NFIC: variants seen among roughly 807,000 people sequenced by gnomAD.
The protein encoded by NFIC is nuclear factor I C.
In NFIC, 12 loss-of-function variants were observed where a neutral mutation model predicts 54.4. The ratio of observed to expected loss-of-function variants is 0.22; its 90% CI spans 0.14 to 0.36. NFIC has a LOEUF of 0.36. Ranked by LOEUF, NFIC falls within the 10% of genes least tolerant of loss-of-function variation. The probability of loss-of-function intolerance (pLI) is 1.00; values close to 1 mark genes in which losing one functional copy is unlikely to be tolerated. For missense variants in NFIC, 575 were observed against 718.2 expected (o/e 0.80, Z 2.28); for synonymous variants, 322 against 319.2 (o/e 1.01, Z -0.09).
intron 1 of NFIC, among the ~76,000 whole-genome samples, chr19:3,379,870 C>T (rs960929096): frequency 4.6e-5 from 7 of 151,100 alleles, no homozygotes; most frequent in East Asian, 1.9e-4. Flanking sequence ...TTTGTAGAAA[C>T]GGGGCCTCGC....
rs2081101097 is a variant in NFIC, at chr19:3,375,978, G to A, written c.31-5734G>A. 6.6e-6 allele frequency among the ~76,000 whole-genome samples: 1 copy of A among 152,090 alleles called. No individual in the cohort carries two copies. Among genetic ancestry groups the A allele is most frequent in the South Asian group, 2.1e-4 (1 of 4,832 alleles). ...AGAAAGGGACCCGTGGCCTTCCAGGGGGTCAGGGCCCTGATTCTTATCCTC... is the reference window on the plus strand; with the variant it reads ...AGAAAGGGACCCGTGGCCTTCCAGGAGGTCAGGGCCCTGATTCTTATCCTC... On this transcript the variant is annotated intron_variant, in intron 1 of 10. Transcript: ENST00000443272. The surrounding 1 kb of genome is among the most constrained non-coding windows in gnomAD (Gnocchi z 4.6).
intron 2 of NFIC, among the ~76,000 whole-genome samples, chr19:3,403,357 G>C (rs2081587335): frequency 6.6e-6 from 1 of 152,132 alleles, no homozygotes. Context: ...TGAGATCTGC[G>C]GCAAGCCCCT....
Position 3,458,311 on chromosome 19 carries a change from T to TCCCTGCC in NFIC, c.1509+1679_1509+1685dup, listed in dbSNP as rs1324228171. On this transcript the variant is annotated intron_variant, in intron 10 of 10. Coordinates refer to ENST00000443272, the MANE Select transcript of NFIC (RefSeq NM_001245002.2). The surrounding 1 kb of genome is among the most constrained non-coding windows in gnomAD (Gnocchi z 4.1). ...CTCTGCCACCCCCACCCCACATCGC[T>TCCCTGCC]CCCTGCCCCTGCGGGAGGCTGGGAA... 1.3e-5 allele frequency among the ~76,000 whole-genome samples: 2 copies of TCCCTGCC among 151,476 alleles called. No homozygotes were observed. The highest frequency in any genetic ancestry group is 4.9e-5 in the African/African-American group (2 of 41,136).
In NFIC at chr19:3,464,039, C is replaced by T. The variant is rs867231856; in HGVS notation, c.*1270C>T. On this transcript the variant is annotated 3_prime_UTR_variant, in exon 11 of 11. Coordinates refer to ENST00000443272, the MANE Select transcript of NFIC (RefSeq NM_001245002.2). ...GTCACTTCGCAAGCGTCCTGCCCTG[C>T]CGGGGCGCGGGGGTGGGCTCTGGGG... The T allele has an allele frequency of 1.6e-5, 16 of 985,180 alleles. 1 individual carries two copies. Among genetic ancestry groups the T allele is most frequent in the Middle Eastern group, 5.2e-4 (1 of 1,940 alleles). The allele number at this position is 985,180 out of a possible 1,614,324, so 61.0% of individuals were successfully genotyped here.
chr19:3,456,934 C>T, intron 10 of NFIC: 1 of 461,804 alleles, frequency 2.2e-6, no homozygotes, highest in Non-Finnish European at 4.1e-6. Flanking sequence ...TTACCACCTG[C>T]TTCCCATGGT....
intron 4 of NFIC, 45 bp from the exon 5 acceptor site, chr19:3,434,232 C>G (rs1385949589): frequency 1.3e-6 from 2 of 1,583,484 alleles, no homozygotes; most frequent in South Asian, 2.3e-5. Flanking sequence ...AACCGCAGCA[C>G]TGGGCACTGC....
At position 3,453,700 on chromosome 19, in the gene NFIC, C is replaced by G; in HGVS notation, c.1270-63C>G. ...CGTGCACAGAGCCGGGGGCGGCCGG[C>G]GCCAGCAGCCCGAGGTAGAGGGGGA... On this transcript the variant is annotated intron_variant, in intron 8 of 10. Transcript: ENST00000443272. This position sits in a 1 kb window ranked among gnomAD's most constrained non-coding sequence, Gnocchi z 6.7. 6.5e-7 allele frequency: 1 copy of G among 1,526,834 alleles called. No homozygotes were observed. Among genetic ancestry groups the G allele is most frequent in the South Asian group, 1.2e-5 (1 of 80,168 alleles). The allele number at this position is 1,526,834 out of a possible 1,614,324, so 94.6% of individuals were successfully genotyped here. A position where few individuals can be genotyped will look rare whatever the true frequency, so the allele number is the denominator to read the frequency against.
rs1006013742 is a variant in NFIC, at chr19:3,370,530, G to A, written c.30+3864G>A. Among the ~76,000 whole-genome samples the A allele has an allele frequency of 1.1e-4, 13 of 120,718 alleles. No homozygotes were observed. The highest frequency in any genetic ancestry group is 1.3e-4 in the African/African-American group (4 of 31,114). The allele number at this position is 120,718 out of a possible 152,430, so 79.2% of individuals were successfully genotyped here. On this transcript the variant is annotated intron_variant, in intron 1 of 10. Transcript: ENST00000443272. The surrounding 1 kb of genome is among the most constrained non-coding windows in gnomAD (Gnocchi z 5.2). ...CTCCCTCCCTTTCTCCCCCCATCTC[G>A]CTCTCTCCTCCTCTCTCCCTCTCTC...
At chr19:3,437,325 G>A (rs557454893) in intron 6 of NFIC, among the ~76,000 whole-genome samples, 14 of 151,262 alleles carry the variant, frequency 9.3e-5, no homozygotes, top group East Asian at 2.0e-4. Context: ...CTGAGATGGC[G>A]CCACTGCACT....
intron 6 of NFIC, among the ~76,000 whole-genome samples, chr19:3,439,984 G>C (rs543783336): frequency 6.6e-6 from 1 of 152,090 alleles, no homozygotes; most frequent in Non-Finnish European, 1.5e-5. Context: ...CACCGCGCCC[G>C]GCCAAACACT....
At chr19:3,454,837 C>T (rs779634125) in intron 9 of NFIC, among the ~76,000 whole-genome samples, 2 of 152,080 alleles carry the variant, frequency 1.3e-5, no homozygotes, top group South Asian at 2.1e-4. Flanking sequence ...CTCCCTGCCC[C>T]GGCGTTCCTG....
chr19:3,432,705 C>G (rs1054510621), intron 3 of NFIC, among the ~76,000 whole-genome samples: 82 of 143,082 alleles, frequency 5.7e-4, no homozygotes, highest in African/African-American at 2.2e-3. Context: ...GAGTCTTGCT[C>G]TGTTGCCCAG....
rs1489287656 is a variant in NFIC, at chr19:3,458,584, C to T, written c.1509+1949C>T. Among the ~76,000 whole-genome samples the T allele has an allele frequency of 6.6e-6, 1 of 151,882 alleles. No individual in the cohort carries two copies. Among genetic ancestry groups the T allele is most frequent in the Non-Finnish European group, 1.5e-5 (1 of 67,984 alleles). The stretch of plus-strand genomic sequence containing the variant: ...CATCCCTATCTTGACTGGCTGGACT[C>T]CTCTGGGGACCCAGAAAGGGTGGGA... On this transcript the variant is annotated intron_variant, in intron 10 of 10. Coordinates refer to ENST00000443272, the MANE Select transcript of NFIC (RefSeq NM_001245002.2). This position sits in a 1 kb window ranked among gnomAD's most constrained non-coding sequence, Gnocchi z 4.1.
chr19:3,443,495 G>T (rs1330260526), intron 6 of NFIC, among the ~76,000 whole-genome samples: 15 of 152,044 alleles, frequency 9.9e-5, no homozygotes. Flanking sequence ...GTGGCAGACG[G>T]TGTGTAAACC....
At chr19:3,417,573 G>A (rs1472188147) in intron 2 of NFIC, among the ~76,000 whole-genome samples, 1 of 151,366 alleles carries the variant, frequency 6.6e-6, no homozygotes, top group Non-Finnish European at 1.5e-5. Flanking sequence ...AAGGCTGGGT[G>A]TGTACTAAGT....
chr19:3,440,881 G>A (rs925393591), intron 6 of NFIC, among the ~76,000 whole-genome samples: 2 of 152,134 alleles, frequency 1.3e-5, no homozygotes, highest in East Asian at 3.9e-4. Flanking sequence ...GCCCAGGATG[G>A]AGTGCAGTGG....
At chr19:3,435,277 G>GC in intron 6 of NFIC, 70 bp downstream of exon 6, 9 of 1,447,282 alleles carry the variant, frequency 6.2e-6, no homozygotes, top group Non-Finnish European at 8.3e-6. Context: ...ACGTCTTCCG[G>GC]CAGCCACTGC....
At position 3,441,559 on chromosome 19, in the gene NFIC, GC is replaced by G. The variant is rs2082294020; in HGVS notation, c.958+6354del. Among the ~76,000 whole-genome samples, 4 of 152,256 alleles carry G rather than the reference GC, an allele frequency of 2.6e-5. No individual in the cohort carries two copies. In the South Asian group the frequency reaches 8.3e-4, roughly 32 times the overall value. The stretch of plus-strand genomic sequence containing the variant: ...CAGCCTCTGAAGTCCCAAGGGGGAC[GC>G]CTCAGAACAGGCCTGGCCCCTGGGC... On this transcript the variant is annotated intron_variant, in intron 6 of 10. Coordinates refer to ENST00000443272, the MANE Select transcript of NFIC (RefSeq NM_001245002.2).
At chr19:3,401,366 C>T (rs983428320) in intron 2 of NFIC, among the ~76,000 whole-genome samples, 8 of 152,044 alleles carry the variant, frequency 5.3e-5, no homozygotes, top group African/African-American at 1.4e-4. Flanking sequence ...CAGAGTGGAC[C>T]GCCCTGGTGC....
Sources: gnomAD v4.1 joint callset for allele counts (sites outside exome capture counted in the v4.1 genomes callset) on GRCh38, gnomAD v4.1.1 for gene constraint, Gnocchi (gnomAD v3.1) non-coding constraint, MANE v1.5 for transcripts, NCBI Gene and HGNC (gene_info 2026-07-23, HGNC 2026-07-21) for gene names.